Variants in RAD17 observed in about 807,000 individuals in gnomAD.
RAD17 encodes the protein cell cycle checkpoint protein RAD17.
In RAD17, 31 loss-of-function variants were observed where a neutral mutation model predicts 81.5. The ratio of observed to expected loss-of-function variants is 0.38; its 90% confidence interval spans 0.29 to 0.51. The LOEUF (loss-of-function observed/expected upper bound fraction) is 0.51, where lower values mean the gene tolerates loss of function less well. RAD17 is among the 20% of genes least tolerant of loss of function. RAD17 has a pLI of 0.88. For missense variants in RAD17, 681 were observed against 781.2 expected (o/e 0.87, Z 1.53); for synonymous variants, 261 against 266.2 (o/e 0.98, Z 0.19).
chr5:69,385,082 C>T (rs893973020), intron 8 of RAD17, 149 bp downstream of exon 8: 2 of 669,368 alleles, frequency 3.0e-6, no homozygotes, highest in African/African-American at 3.8e-5. Flanking sequence ...GCCTCAGCCT[C>T]CGGAGTAGCT....
intron 17 of RAD17, among the ~76,000 whole-genome samples, chr5:69,404,311 A>G (rs1019867589): frequency 1.3e-5 from 2 of 152,216 alleles, no homozygotes; most frequent in African/African-American, 4.8e-5. Flanking sequence ...TGAAGAGCCA[A>G]CCTACATAAT....
In RAD17 at chr5:69,377,423, G is replaced by A. The variant is rs1379279248; in HGVS notation, c.351+2712G>A. 7.4e-4 allele frequency among the ~76,000 whole-genome samples: 23 copies of A among 30,926 alleles called. 1 individual carries two copies. The highest frequency in any genetic ancestry group is 3.5e-3 in the African/African-American group (23 of 6,596). 20.3% of individuals were successfully genotyped at this position (30,926 alleles called of 152,430 possible). On this transcript the variant is annotated intron_variant, in intron 6 of 18. Transcript: ENST00000354868. ...CAGTTGGATAAACTTAGGTATATGT[G>A]TGTGTGTGTGTGTGTGTATATATAT...
At chr5:69,405,257 ACT>A (rs2150874629) in intron 17 of RAD17, among the ~76,000 whole-genome samples, 1 of 151,764 alleles carries the variant, frequency 6.6e-6, no homozygotes, top group Non-Finnish European at 1.5e-5. Context: ...TAATCCCAGC[ACT>A]CTGGGAGGCT....
chr5:69,409,361 G>A (rs566418194), intron 17 of RAD17, among the ~76,000 whole-genome samples: 3 of 152,240 alleles, frequency 2.0e-5, no homozygotes, highest in East Asian at 3.9e-4. Flanking sequence ...CTGCACTCCA[G>A]TAGGAAGGAG....
intron 17 of RAD17, among the ~76,000 whole-genome samples, chr5:69,409,966 G>A (rs187205811): frequency 1.1e-4 from 17 of 152,182 alleles, no homozygotes; most frequent in Admixed American, 4.6e-4. Flanking sequence ...TGATGTCATC[G>A]CAGTTCATTT....
At chr5:69,395,032 A>G (rs1000793205) in intron 15 of RAD17, among the ~76,000 whole-genome samples, 1 of 152,250 alleles carries the variant, frequency 6.6e-6, no homozygotes, top group Non-Finnish European at 1.5e-5. Flanking sequence ...AGCCTGGGCA[A>G]TAGAGCTGGA....
At chr5:69,395,906 C>A (rs1341875316) in intron 15 of RAD17, among the ~76,000 whole-genome samples, 1 of 152,124 alleles carries the variant, frequency 6.6e-6, no homozygotes, top group African/African-American at 2.4e-5. Context: ...ATTATCATAC[C>A]CCATTGAAAC....
intron 16 of RAD17, among the ~76,000 whole-genome samples, chr5:69,397,964 A>G (rs1431407618): frequency 6.6e-6 from 1 of 152,170 alleles, no homozygotes; most frequent in Non-Finnish European, 1.5e-5. Flanking sequence ...AAAAATAAAA[A>G]AACTTAGCCG....
At chr5:69,377,138 G>A (rs1386386030) in intron 6 of RAD17, among the ~76,000 whole-genome samples, 2 of 152,032 alleles carry the variant, frequency 1.3e-5, no homozygotes, top group African/African-American at 2.4e-5. Flanking sequence ...ATGAATTCAA[G>A]TTGGATTTTC....
chr5:69,393,978 C>T (rs537720609), intron 15 of RAD17, among the ~76,000 whole-genome samples: 1 of 125,598 alleles, frequency 8.0e-6, no homozygotes, highest in East Asian at 2.8e-4. Flanking sequence ...TGGTCTTGAA[C>T]TACTGGGTTT....
Position 69,372,109 on chromosome 5 carries a change from G to GA in RAD17, c.-97dup. 2 of 1,462,326 alleles carry GA rather than the reference G, an allele frequency of 1.4e-6. No individual in the cohort carries two copies. Among genetic ancestry groups the GA allele is most frequent in the Non-Finnish European group, 1.8e-6 (2 of 1,084,736 alleles). The allele number at this position is 1,462,326 out of a possible 1,614,324, so 90.6% of individuals were successfully genotyped here. On this transcript the variant is annotated 5_prime_UTR_variant, in exon 4 of 19. An upstream open reading frame in the 5' UTR loses its in-frame stop. Coordinates refer to ENST00000354868, the MANE Select transcript of RAD17 (RefSeq NM_133338.3). ...TAATTTGCAAATCAGAATTGCTGTC[G>GA]AAAGTTTTACTATAATGAAAGATAT...
intron 6 of RAD17, among the ~76,000 whole-genome samples, chr5:69,377,558 T>C (rs1425403702): frequency 0.018 from 278 of 15,528 alleles, 77 homozygotes; most frequent in Non-Finnish European, 0.056. Context: ...TGCATATATA[T>C]GTATATATAT....
upstream of RAD17, chr5:69,369,360 C>G (rs1260629682): frequency 1.5e-6 from 2 of 1,345,422 alleles, no homozygotes; most frequent in Non-Finnish European, 2.0e-6. Flanking sequence ...CGGCCGGCCT[C>G]TGAAGAGGGC....
At chr5:69,378,277 C>T (rs982081205) in intron 6 of RAD17, among the ~76,000 whole-genome samples, 2 of 152,136 alleles carry the variant, frequency 1.3e-5, no homozygotes, top group African/African-American at 4.8e-5. Context: ...TTCAGGACAG[C>T]TTCTTTCCTT....
At chr5:69,403,787 G>C (rs1328366375) in intron 17 of RAD17, among the ~76,000 whole-genome samples, 5 of 152,040 alleles carry the variant, frequency 3.3e-5, no homozygotes, top group Non-Finnish European at 7.4e-5. Context: ...TGGGTGTTGT[G>C]GCTTGCACCT....
chr5:69,372,940 C>T (rs1042065894), intron 4 of RAD17, among the ~76,000 whole-genome samples: 7 of 152,194 alleles, frequency 4.6e-5, no homozygotes, highest in African/African-American at 1.7e-4. Context: ...GACAGTTCCC[C>T]CTCTGGAAAG....
At chr5:69,386,370 C>A in intron 10 of RAD17, 26 bp from the exon 11 acceptor site, 1 of 1,582,416 alleles carries the variant, frequency 6.3e-7, no homozygotes, top group Non-Finnish European at 8.6e-7. Flanking sequence ...AATCATTTAA[C>A]TGCTATCTTT....
chr5:69,403,699 C>T (rs1164800685), intron 17 of RAD17, among the ~76,000 whole-genome samples: 4 of 152,120 alleles, frequency 2.6e-5, no homozygotes, highest in Non-Finnish European at 4.4e-5. Context: ...GTGGGAAGAT[C>T]GCTTGAGCCC....
chr5:69,378,639 C>G (rs894088006), intron 6 of RAD17, among the ~76,000 whole-genome samples: 2 of 152,170 alleles, frequency 1.3e-5, no homozygotes, highest in East Asian at 3.8e-4. Flanking sequence ...CTGGTAACAA[C>G]ATTTTTGTCA....
Sources: allele counts gnomAD v4.1 joint callset (sites outside exome capture counted in the v4.1 genomes callset), GRCh38; gene constraint gnomAD v4.1.1; transcripts MANE v1.5; gene names NCBI Gene and HGNC (gene_info 2026-07-23, HGNC 2026-07-21).